The following AOAH variants were observed in gnomAD, a reference collection of about 807,000 sequenced individuals.
AOAH encodes the protein acyloxyacyl hydrolase (neutrophil).
Under a neutral mutation model 92.2 loss-of-function variants are expected in AOAH, and 64 were observed. The observed-to-expected ratio is 0.69, with a 90% CI of 0.57 to 0.86. The LOEUF (loss-of-function observed/expected upper bound fraction) is 0.86, where lower values mean the gene tolerates loss of function less well. Among genes scored for constraint, AOAH ranks in the 40% least tolerant of loss-of-function variants. The pLI, the probability that AOAH is intolerant of heterozygous loss-of-function variation, is 0.00. For missense variants in AOAH, 656 were observed against 694.6 expected (o/e 0.94, Z 0.62); for synonymous variants, 263 against 254.5 (o/e 1.03, Z -0.32).
chr7:36,705,986 T>TAC (rs927687978), intron 1 of AOAH, among the ~76,000 whole-genome samples: 3 of 152,126 alleles, frequency 2.0e-5, no homozygotes, highest in Non-Finnish European at 4.4e-5. Context: ...ACCCCTTCCT[T>TAC]ACACCTTATA....
Position 36,597,428 on chromosome 7 carries a change from T to C in AOAH, c.847-2998A>G, listed in dbSNP as rs570933267. On this transcript the variant is annotated intron_variant, in intron 11 of 20. Transcript: ENST00000617537. ...TTCTGCTTACAATGTGTGTTTACTG[T>C]AGGATGAGAATATTCATTCTGCCAG... Among the ~76,000 whole-genome samples the C allele has an allele frequency of 2.6e-5, 4 of 152,322 alleles. No homozygotes were observed. In the South Asian group the frequency reaches 8.3e-4, roughly 32 times the overall value.
intron 1 of AOAH, among the ~76,000 whole-genome samples, chr7:36,721,052 T>TA (rs754331445): frequency 1.3e-5 from 2 of 152,084 alleles, no homozygotes; most frequent in Non-Finnish European, 2.9e-5. Flanking sequence ...GCTTCCCACA[T>TA]ACAACCCTTC....
intron 16 of AOAH, among the ~76,000 whole-genome samples, chr7:36,539,730 TA>T: frequency 6.6e-6 from 1 of 152,332 alleles, no homozygotes; most frequent in African/African-American, 2.4e-5. Context: ...TTGTGGTTGA[TA>T]AAAACATCTA....
At chr7:36,606,871 C>CCTAA in intron 11 of AOAH, among the ~76,000 whole-genome samples, 1 of 152,238 alleles carries the variant, frequency 6.6e-6, no homozygotes, top group Non-Finnish European at 1.5e-5. Flanking sequence ...TCGATTTGAA[C>CCTAA]CTAACTACTG....
intron 1 of AOAH, among the ~76,000 whole-genome samples, chr7:36,697,959 G>A (rs1310941868): frequency 6.6e-6 from 1 of 152,180 alleles, no homozygotes; most frequent in Non-Finnish European, 1.5e-5. Flanking sequence ...AACCACCAGA[G>A]GCTAGGAGAA....
chr7:36,691,115 A>C (rs545072601), intron 1 of AOAH, among the ~76,000 whole-genome samples: 1 of 152,350 alleles, frequency 6.6e-6, no homozygotes, highest in South Asian at 2.1e-4. Flanking sequence ...TGAATAATTC[A>C]TCACATTGCT....
chr7:36,692,286 C>T (rs998359757), intron 1 of AOAH, among the ~76,000 whole-genome samples: 26 of 152,168 alleles, frequency 1.7e-4, no homozygotes, highest in African/African-American at 6.3e-4. Flanking sequence ...TCTCCACGAA[C>T]TCTTTGAAAA....
At chr7:36,616,598 C>T in intron 10 of AOAH, 124 bp from the exon 11 acceptor site, 1 of 744,970 alleles carries the variant, frequency 1.3e-6, no homozygotes, top group Non-Finnish European at 2.3e-6. Context: ...CACAGTAATG[C>T]ATTACCACTT....
rs2115704890 is a variant in AOAH, at chr7:36,516,257, T to C, written c.1600-2877A>G. ...CACACCTCACACAGATACCACCACA[T>C]GCACACTCACCACATACACATATAA... On this transcript the variant is annotated intron_variant, in intron 20 of 20. Coordinates refer to ENST00000617537, the MANE Select transcript of AOAH (RefSeq NM_001637.4). This position sits in a 1 kb window ranked among gnomAD's most constrained non-coding sequence, Gnocchi z 5.0. Among the ~76,000 whole-genome samples the C allele has an allele frequency of 7.0e-6, 1 of 143,780 alleles. No homozygotes were observed. The highest frequency in any genetic ancestry group is 2.3e-4 in the South Asian group (1 of 4,422). The allele number at this position is 143,780 out of a possible 152,430, so 94.3% of individuals were successfully genotyped here.
chr7:36,616,296 A>G (rs1583952420), intron 11 of AOAH, 84 bp downstream of exon 11: 1 of 1,061,990 alleles, frequency 9.4e-7, no homozygotes, highest in Non-Finnish European at 1.4e-6. Flanking sequence ...ACCTGTGTGG[A>G]GTTGGCATCC....
chr7:36,717,724 C>CTTTTTTT (rs1237909204), intron 1 of AOAH, among the ~76,000 whole-genome samples: 5 of 81,510 alleles, frequency 6.1e-5, no homozygotes, highest in East Asian at 5.5e-4. Flanking sequence ...TTTTTCTCTT[C>CTTTTTTT]TTATTTTTTT....
chr7:36,678,129 T>C (rs75407581), intron 2 of AOAH, among the ~76,000 whole-genome samples: 4,150 of 152,272 alleles, frequency 0.027, 159 homozygotes, highest in East Asian at 0.078. Context: ...TTAATAAAAG[T>C]GTTTAAATAC....
At chr7:36,536,424 G>A (rs1419205191) in intron 16 of AOAH, among the ~76,000 whole-genome samples, 1 of 151,792 alleles carries the variant, frequency 6.6e-6, no homozygotes. Flanking sequence ...CCCTTAACAC[G>A]GTGCCCAGGA....
At chr7:36,620,739 G>C (rs373235008) in intron 9 of AOAH, 42 bp downstream of exon 9, 1 of 1,597,752 alleles carries the variant, frequency 6.3e-7, no homozygotes, top group Non-Finnish European at 8.6e-7. Context: ...GGGGAGGGAG[G>C]AACAAAGGAG....
chr7:36,615,736 A>G (rs1342440996), intron 11 of AOAH, among the ~76,000 whole-genome samples: 3 of 152,208 alleles, frequency 2.0e-5, no homozygotes, highest in South Asian at 4.1e-4. Context: ...TGTCTACCCC[A>G]TATTTAGGTG....
intron 3 of AOAH, among the ~76,000 whole-genome samples, chr7:36,667,741 G>C (rs1165456401): frequency 6.6e-6 from 1 of 152,022 alleles, no homozygotes; most frequent in Non-Finnish European, 1.5e-5. Flanking sequence ...CTCTGTTTTT[G>C]GTGCATACAT....
intron 11 of AOAH, among the ~76,000 whole-genome samples, chr7:36,612,381 T>G (rs1476917830): frequency 6.6e-6 from 1 of 152,236 alleles, no homozygotes; most frequent in African/African-American, 2.4e-5. Flanking sequence ...TGTCTATTAA[T>G]ATGTGTATTA....
chr7:36,640,824 C>A (rs922185017), intron 4 of AOAH, among the ~76,000 whole-genome samples: 1 of 152,014 alleles, frequency 6.6e-6, no homozygotes, highest in Non-Finnish European at 1.5e-5. Flanking sequence ...TCACCCAAGG[C>A]TAGAGAAGGA....
chr7:36,652,218 C>T (rs923050793), intron 4 of AOAH, among the ~76,000 whole-genome samples: 3 of 152,020 alleles, frequency 2.0e-5, no homozygotes, highest in Non-Finnish European at 4.4e-5. Flanking sequence ...AGGACAGAGG[C>T]ATGTCAAAAG....
Sources: gnomAD v4.1 joint callset for allele counts (sites outside exome capture counted in the v4.1 genomes callset) on GRCh38, gnomAD v4.1.1 for gene constraint, Gnocchi (gnomAD v3.1) non-coding constraint, MANE v1.5 for transcripts, NCBI Gene and HGNC (gene_info 2026-07-23, HGNC 2026-07-21) for gene names.